MCTP1: variants seen among roughly 807,000 people sequenced by gnomAD.
MCTP1 encodes multiple C2 and transmembrane domain-containing protein 1.
MCTP1 carries 69 observed loss-of-function variants against 120.6 expected under a neutral mutation model. The ratio of observed to expected loss-of-function variants is 0.57; its 90% CI spans 0.47 to 0.70. MCTP1 has a LOEUF of 0.70. Among genes scored for constraint, MCTP1 ranks in the 30% least tolerant of loss-of-function variants. MCTP1 has a pLI of 0.00. For synonymous variants in MCTP1, 529 were observed against 493.1 expected, an observed-to-expected ratio of 1.07 and a Z score of -0.96; for missense variants, 1,203 against 1,248.8, an observed-to-expected ratio of 0.96 and a Z score of 0.55.
rs923061572 is a variant in MCTP1 at position 94,925,248 on chromosome 5, G to A, written c.1213-1227C>T. On this transcript the variant is annotated intron_variant, in intron 6 of 22. Transcript: ENST00000515393. ...TAAGGCACCTGGCATTACAGAATGA[G>A]TCCTAAACAGAAGTGGTGATTGTAT... Among the ~76,000 whole-genome samples the A allele has an allele frequency of 4.6e-5, 7 of 152,112 alleles. No homozygotes were observed. The South Asian group carries it at 1.5e-3, about 32-fold the overall frequency.
chr5:94,952,919 T>G (rs550699055), intron 3 of MCTP1, among the ~76,000 whole-genome samples: 2 of 152,200 alleles, frequency 1.3e-5, no homozygotes, highest in African/African-American at 4.8e-5. Context: ...TTAACTTATA[T>G]GGAAACTTGT....
At chr5:95,075,594 ATG>A (rs1179699132) in intron 1 of MCTP1, among the ~76,000 whole-genome samples, 2 of 152,240 alleles carry the variant, frequency 1.3e-5, no homozygotes, top group African/African-American at 4.8e-5. Flanking sequence ...AAAAAAATTA[ATG>A]TCTGATATAT....
chr5:95,092,023 T>C (rs12188687), intron 1 of MCTP1, among the ~76,000 whole-genome samples: 76,253 of 152,096 alleles, frequency 0.5, 21,159 homozygotes, highest in Admixed American at 0.63. Context: ...AAAATGTTGC[T>C]GGAAGTTAAA....
intron 10 of MCTP1, among the ~76,000 whole-genome samples, chr5:94,906,981 G>C (rs1267312458): frequency 2.6e-5 from 4 of 152,142 alleles, no homozygotes; most frequent in Non-Finnish European, 5.9e-5. Flanking sequence ...ACTTCACCCT[G>C]AATACTCAAA....
At position 94,747,631 on chromosome 5, in the gene MCTP1, G is replaced by C. The variant is rs570168964; in HGVS notation, c.2610+31479C>G. ...TGTGGACTGTAGTTTACTGACTTCTGTTCTAGCCCAAATAATCCTTTTCAT... is the reference window on the plus strand; with the variant it reads ...TGTGGACTGTAGTTTACTGACTTCTCTTCTAGCCCAAATAATCCTTTTCAT... On this transcript the variant is annotated intron_variant, in intron 19 of 22. Transcript: ENST00000515393. Among the ~76,000 whole-genome samples, 187 of 152,152 alleles carry C rather than the reference G, an allele frequency of 1.2e-3. 1 individual carries two copies. The highest frequency in any genetic ancestry group is 6.8e-3 in the Middle Eastern group (2 of 294).
intron 19 of MCTP1, among the ~76,000 whole-genome samples, chr5:94,721,198 CTTGAT>C (rs1194157955): frequency 6.6e-6 from 1 of 152,264 alleles, no homozygotes; most frequent in East Asian, 1.9e-4. Flanking sequence ...AATCCAGAAA[CTTGAT>C]TTGAAGGTAG....
At chr5:95,087,424 G>A (rs1312540401) in intron 1 of MCTP1, among the ~76,000 whole-genome samples, 1 of 152,194 alleles carries the variant, frequency 6.6e-6, no homozygotes, top group Non-Finnish European at 1.5e-5. Flanking sequence ...AGAGACCACA[G>A]TGAACTGAAT....
At chr5:95,088,434 T>C (rs1455285616) in intron 1 of MCTP1, among the ~76,000 whole-genome samples, 1 of 152,232 alleles carries the variant, frequency 6.6e-6, no homozygotes, top group East Asian at 1.9e-4. Context: ...TTTGTAATCA[T>C]TGGCACCATG....
intron 1 of MCTP1, among the ~76,000 whole-genome samples, chr5:95,247,872 T>G (rs1756974028): frequency 6.6e-6 from 1 of 152,194 alleles, no homozygotes; most frequent in Non-Finnish European, 1.5e-5. Context: ...GATCTGTTGA[T>G]TTGGGGTATA....
intron 1 of MCTP1, among the ~76,000 whole-genome samples, chr5:95,221,312 AAG>A (rs1753668770): frequency 6.6e-6 from 1 of 152,242 alleles, no homozygotes; most frequent in South Asian, 2.1e-4. Context: ...TCCATTTAGG[AAG>A]AGTATTCCAA....
At chr5:94,866,896 A>G (rs1796922469) in intron 17 of MCTP1, among the ~76,000 whole-genome samples, 2 of 151,946 alleles carry the variant, frequency 1.3e-5, no homozygotes, top group African/African-American at 4.8e-5. Flanking sequence ...ATGTTGCTGA[A>G]CAAATAATAC....
chr5:94,909,074 C>T (rs547244753), intron 10 of MCTP1, among the ~76,000 whole-genome samples, 177 bp downstream of exon 10: 3 of 151,962 alleles, frequency 2.0e-5, no homozygotes, highest in African/African-American at 7.2e-5. Context: ...TGGTCAAAAC[C>T]GCCACCTACT....
At chr5:95,069,659 GT>G (rs1276821199) in intron 1 of MCTP1, among the ~76,000 whole-genome samples, 1 of 150,784 alleles carries the variant, frequency 6.6e-6, no homozygotes, top group African/African-American at 2.4e-5. Flanking sequence ...GGGATGTCAA[GT>G]TGGGGTGCTT....
At chr5:94,951,739 C>T (rs2153529781) in intron 3 of MCTP1, among the ~76,000 whole-genome samples, 1 of 151,978 alleles carries the variant, frequency 6.6e-6, no homozygotes, top group Admixed American at 6.6e-5. Context: ...ATATTTCTTT[C>T]TCTCTAGAAG....
intron 17 of MCTP1, among the ~76,000 whole-genome samples, chr5:94,849,155 C>T (rs1022698395): frequency 6.6e-5 from 10 of 151,762 alleles, no homozygotes; most frequent in African/African-American, 2.4e-4. Flanking sequence ...TTTTGAACTC[C>T]ACAAAAATAT....
chr5:94,934,355 C>A (rs1225426262), intron 5 of MCTP1, among the ~76,000 whole-genome samples: 1 of 151,672 alleles, frequency 6.6e-6, no homozygotes, highest in East Asian at 1.9e-4. Flanking sequence ...AGCTGAGAAA[C>A]ATATGAATTA....
chr5:95,131,358 CTG>C (rs1199682293), intron 1 of MCTP1, among the ~76,000 whole-genome samples: 41 of 152,176 alleles, frequency 2.7e-4, no homozygotes, highest in Admixed American at 2.7e-3. Flanking sequence ...AGCAAGGAGA[CTG>C]GGCTTGATTT....
intron 1 of MCTP1, among the ~76,000 whole-genome samples, chr5:95,143,592 G>A (rs923126417): frequency 2.0e-5 from 3 of 151,862 alleles, no homozygotes; most frequent in East Asian, 1.9e-4. Flanking sequence ...AGTTTCTACC[G>A]TTTCCATCTT....
intron 19 of MCTP1, among the ~76,000 whole-genome samples, chr5:94,720,133 AT>A (rs1300493567): frequency 1.3e-5 from 2 of 152,000 alleles, no homozygotes; most frequent in Non-Finnish European, 1.5e-5. Flanking sequence ...CTCAAAAAAA[AT>A]AAATAAATAA....
Sources: allele counts gnomAD v4.1 joint callset (sites outside exome capture counted in the v4.1 genomes callset), GRCh38; gene constraint gnomAD v4.1.1; transcripts MANE v1.5; gene names NCBI Gene and HGNC (gene_info 2026-07-23, HGNC 2026-07-21).